Variants in CATSPERT observed in about 807,000 individuals in gnomAD.
The protein encoded by CATSPERT is catsper channel auxiliary subunit tau, also known as cation channel sperm-associated targeting subunit tau.
At chr2:201,507,857 T>C in the CATSPERT span, among the ~76,000 whole-genome samples, 2 of 152,058 alleles carry the variant, frequency 1.3e-5, no homozygotes, top group Admixed American at 6.6e-5. Context: ...CTTCACATGG[T>C]GGCAGGAGAG....
At chr2:201,562,669 G>A in the CATSPERT span, among the ~76,000 whole-genome samples, 1 of 145,664 alleles carries the variant, frequency 6.9e-6, no homozygotes, top group African/African-American at 2.5e-5. Context: ...GCAGCCTTCC[G>A]CAGCGTTTGT....
the CATSPERT span, chr2:201,511,911 T>G: frequency 1.9e-4 from 28 of 151,204 alleles, no homozygotes; most frequent in African/African-American, 6.6e-4. Context: ...AAGATTGTTT[T>G]CCCACAGAAT....
the CATSPERT span, among the ~76,000 whole-genome samples, chr2:201,568,491 T>C: frequency 2.4e-4 from 36 of 152,264 alleles, no homozygotes; most frequent in African/African-American, 7.9e-4. Flanking sequence ...GATCTGTAGC[T>C]GCACATCAGA....
At chr2:201,593,132 T>C in the CATSPERT span, among the ~76,000 whole-genome samples, 1 of 152,094 alleles carries the variant, frequency 6.6e-6, no homozygotes, top group Non-Finnish European at 1.5e-5. Flanking sequence ...GCTATAAATT[T>C]CCCTCTACAC....
the CATSPERT span, among the ~76,000 whole-genome samples, chr2:201,538,245 A>G: frequency 3.3e-5 from 5 of 152,018 alleles, no homozygotes; most frequent in African/African-American, 1.2e-4. Context: ...TACCTCACAT[A>G]TATGGCATCA....
At chr2:201,581,585 TATATATATACAC>T in the CATSPERT span, among the ~76,000 whole-genome samples, 3 of 70,140 alleles carry the variant, frequency 4.3e-5, no homozygotes, top group East Asian at 4.6e-4. Flanking sequence ...TATATATATA[TATATATATACAC>T]ATACATATTC....
At chr2:201,490,851 G>A in the CATSPERT span, among the ~76,000 whole-genome samples, 1 of 152,076 alleles carries the variant, frequency 6.6e-6, no homozygotes, top group African/African-American at 2.4e-5. Flanking sequence ...AGCCTCCCGA[G>A]TAGCTGGGAC....
the CATSPERT span, chr2:201,545,469 T>G: frequency 2.0e-6 from 2 of 1,009,024 alleles, no homozygotes; most frequent in Non-Finnish European, 2.9e-6. Flanking sequence ...AGCAAATTAC[T>G]AATTGTCTTT....
At chr2:201,523,467 A>G in the CATSPERT span, among the ~76,000 whole-genome samples, 1 of 152,200 alleles carries the variant, frequency 6.6e-6, no homozygotes, top group Non-Finnish European at 1.5e-5. Context: ...CAAGGGAATC[A>G]AAGAATACAA....
chr2:201,565,667 C>T, the CATSPERT span: 3 of 1,454,220 alleles, frequency 2.1e-6, no homozygotes, highest in African/African-American at 4.4e-5. Context: ...ATATATTATA[C>T]AAATAACACC....
chr2:201,582,063 T>C, the CATSPERT span: 4 of 1,590,816 alleles, frequency 2.5e-6, no homozygotes, highest in African/African-American at 1.4e-5. Flanking sequence ...GGCAACGTGA[T>C]ACCAAGGTGA....
the CATSPERT span, among the ~76,000 whole-genome samples, chr2:201,592,261 C>T: frequency 6.7e-6 from 1 of 150,030 alleles, no homozygotes; most frequent in Non-Finnish European, 1.5e-5. Flanking sequence ...GTCTTTGGTT[C>T]TGTTTATATG....
At chr2:201,488,727 A>C in the CATSPERT span, among the ~76,000 whole-genome samples, 1 of 152,226 alleles carries the variant, frequency 6.6e-6, no homozygotes, top group African/African-American at 2.4e-5. Context: ...GATTAATAGA[A>C]CTGGGGATCA....
At chr2:201,612,232 G>A in the CATSPERT span, among the ~76,000 whole-genome samples, 23 of 152,082 alleles carry the variant, frequency 1.5e-4, no homozygotes. Context: ...GGTCCCACAG[G>A]TCAACTCTTT....
At chr2:201,582,302 T>C in the CATSPERT span, 1 of 1,253,924 alleles carries the variant, frequency 8.0e-7, no homozygotes, top group East Asian at 2.5e-5. Flanking sequence ...ACTATTACTA[T>C]ATTATGCAAA....
chr2:201,490,428 G>A, the CATSPERT span, among the ~76,000 whole-genome samples: 7 of 152,064 alleles, frequency 4.6e-5, no homozygotes, highest in South Asian at 2.1e-4. Context: ...AGAAAATGTC[G>A]GCTATGTTTC....
chr2:201,592,925 A>T, the CATSPERT span, among the ~76,000 whole-genome samples: 1 of 152,126 alleles, frequency 6.6e-6, no homozygotes, highest in East Asian at 1.9e-4. Flanking sequence ...ATCCTTTCAA[A>T]AAACCAGCTG....
the CATSPERT span, among the ~76,000 whole-genome samples, chr2:201,583,572 T>C: frequency 6.6e-6 from 1 of 152,248 alleles, no homozygotes; most frequent in Non-Finnish European, 1.5e-5. Flanking sequence ...GGACGACTTA[T>C]ATTTTTTAAA....
the CATSPERT span, among the ~76,000 whole-genome samples, chr2:201,568,546 A>T: frequency 6.6e-6 from 1 of 152,180 alleles, no homozygotes; most frequent in Non-Finnish European, 1.5e-5. Flanking sequence ...AACCACATCT[A>T]GTATAGCAGC....
Sources: allele counts gnomAD v4.1 joint callset (sites outside exome capture counted in the v4.1 genomes callset), GRCh38; gene constraint gnomAD v4.1.1; transcripts MANE v1.5; gene names NCBI Gene and HGNC (gene_info 2026-07-23, HGNC 2026-07-21).